The following NBAS variants were observed in gnomAD, a reference collection of about 807,000 sequenced individuals.
NBAS encodes NBAS subunit of NRZ tethering complex, also known as NAG/BC035112 fusion.
In NBAS, 219 loss-of-function variants were observed where a neutral mutation model predicts 302.5. The observed-to-expected ratio is 0.72, with a 90% CI of 0.65 to 0.81. The LOEUF is 0.81. Ranked by LOEUF, NBAS falls within the 30% of genes least tolerant of loss-of-function variation. The pLI, the probability that NBAS is intolerant of heterozygous loss-of-function variation, is 0.00. For missense variants in NBAS, 2,932 were observed against 2,841.6 expected (o/e 1.03, Z -0.72); for synonymous variants, 1,118 against 1,021.6 (o/e 1.09, Z -1.80).
the NBAS span, among the ~76,000 whole-genome samples, chr2:14,966,191 T>C: frequency 6.6e-6 from 1 of 152,162 alleles, no homozygotes; most frequent in Non-Finnish European, 1.5e-5. Flanking sequence ...ACTTGAAAAC[T>C]CCAGAACTAT....
At chr2:15,320,524 T>C (rs539993552) in intron 38 of NBAS, among the ~76,000 whole-genome samples, 1 of 152,292 alleles carries the variant, frequency 6.6e-6, no homozygotes, top group African/African-American at 2.4e-5. Context: ...AAAATCTCCT[T>C]AAGCTGATAA....
intron 51 of NBAS, among the ~76,000 whole-genome samples, chr2:15,173,512 A>G (rs577528435): frequency 4.6e-5 from 7 of 152,204 alleles, no homozygotes; most frequent in Non-Finnish European, 8.8e-5. Context: ...ATCAACCACA[A>G]GGGTAGAAAA....
chr2:14,955,341 A>G, the NBAS span, among the ~76,000 whole-genome samples: 8 of 152,184 alleles, frequency 5.3e-5, no homozygotes, highest in Non-Finnish European at 1.2e-4. Context: ...TTCATGAGCC[A>G]GAGTTGAGTG....
Position 15,480,822 on chromosome 2 carries a change from A to C in NBAS, c.1084-2533T>G, listed in dbSNP as rs147025786. Among the ~76,000 whole-genome samples the C allele has an allele frequency of 8.5e-4, 130 of 152,250 alleles. 1 individual carries two copies. The East Asian group carries it at 0.011, about 13-fold the overall frequency. Reference sequence around the variant, plus strand: ...ATGTTAATGATATCCTTTTTTATTGAGGTGATCTTAGCATAATGTAAAATT... The same window carrying C: ...ATGTTAATGATATCCTTTTTTATTGCGGTGATCTTAGCATAATGTAAAATT... On this transcript the variant is annotated intron_variant, in intron 12 of 51. Coordinates refer to ENST00000281513, the MANE Select transcript of NBAS (RefSeq NM_015909.4).
chr2:14,913,177 A>C, the NBAS span, among the ~76,000 whole-genome samples: 1 of 152,192 alleles, frequency 6.6e-6, no homozygotes, highest in Non-Finnish European at 1.5e-5. Context: ...AGGGGCTGCA[A>C]TCCGCATTGG....
chr2:14,962,943 G>GA, the NBAS span, among the ~76,000 whole-genome samples: 62 of 142,330 alleles, frequency 4.4e-4, no homozygotes, highest in South Asian at 4.4e-4. Context: ...AAACAAAGGA[G>GA]AAAAAAAAAA....
At chr2:14,909,103 C>T in the NBAS span, among the ~76,000 whole-genome samples, 3 of 151,972 alleles carry the variant, frequency 2.0e-5, no homozygotes, top group African/African-American at 7.2e-5. Flanking sequence ...GAGGCCGAGG[C>T]GGGCGGATCA....
the NBAS span, among the ~76,000 whole-genome samples, chr2:14,889,662 G>T: frequency 6.6e-6 from 1 of 152,210 alleles, no homozygotes; most frequent in South Asian, 2.1e-4. Context: ...TTCCAAGCTT[G>T]TTAGAAAAGG....
At chr2:14,993,819 T>C in the NBAS span, among the ~76,000 whole-genome samples, 1 of 152,182 alleles carries the variant, frequency 6.6e-6, no homozygotes, top group Admixed American at 6.5e-5. Context: ...TTATATTTAT[T>C]AAAAACATAT....
the NBAS span, among the ~76,000 whole-genome samples, chr2:14,812,706 G>A: frequency 6.6e-6 from 1 of 152,178 alleles, no homozygotes; most frequent in Non-Finnish European, 1.5e-5. Context: ...AGAAATAAAT[G>A]ACAAGTTATT....
the NBAS span, among the ~76,000 whole-genome samples, chr2:14,789,190 G>A: frequency 2.5e-4 from 38 of 152,282 alleles, no homozygotes; most frequent in Middle Eastern, 3.4e-3. Context: ...TAGGAAAAGC[G>A]CAGTACTGGG....
the NBAS span, among the ~76,000 whole-genome samples, chr2:14,940,375 G>A: frequency 3.3e-5 from 5 of 152,158 alleles, no homozygotes; most frequent in African/African-American, 1.2e-4. Context: ...CATGTGACAT[G>A]TCTGTTCCCC....
intron 21 of NBAS, among the ~76,000 whole-genome samples, chr2:15,430,147 A>G (rs907425590): frequency 6.6e-5 from 10 of 152,340 alleles, no homozygotes; most frequent in East Asian, 1.9e-4. Flanking sequence ...TTCAAAGTAT[A>G]TATTAGATGC....
Position 15,218,886 on chromosome 2 carries a change from TGCGGGGCCGCACCGG to T in NBAS, c.6304_6318del (p.Pro2102_Arg2106del). ...TGCCCCAAAATCTGCAGCACGTGAA[TGCGGGGCCGCACCGG>T]CCAGGCGTCATCAGCACAGAAAGGC... On this transcript the variant is annotated inframe_deletion, in exon 48 of 52. Transcript: ENST00000281513. The T allele has an allele frequency of 6.2e-7, 1 of 1,614,250 alleles. No individual in the cohort carries two copies. The highest frequency in any genetic ancestry group is 8.5e-7 in the Non-Finnish European group (1 of 1,180,048).
chr2:14,786,696 A>ATAAT, the NBAS span, among the ~76,000 whole-genome samples: 1 of 152,264 alleles, frequency 6.6e-6, no homozygotes, highest in African/African-American at 2.4e-5. Context: ...ACAGTTTGTT[A>ATAAT]TAATTTCTGA....
At chr2:14,950,861 A>G in the NBAS span, among the ~76,000 whole-genome samples, 1 of 152,228 alleles carries the variant, frequency 6.6e-6, no homozygotes, top group Non-Finnish European at 1.5e-5. Context: ...AGTGCCTTTC[A>G]GTTGTCATTA....
chr2:15,118,250 G>A, the NBAS span, among the ~76,000 whole-genome samples: 131 of 152,256 alleles, frequency 8.6e-4, 1 homozygote, highest in South Asian at 8.9e-3. Flanking sequence ...ATCAATCAGG[G>A]ATTTCAGGGG....
intron 40 of NBAS, among the ~76,000 whole-genome samples, chr2:15,303,221 G>A (rs773621839): frequency 3.9e-5 from 6 of 152,124 alleles, no homozygotes; most frequent in Non-Finnish European, 8.8e-5. Flanking sequence ...GGAAAACAGT[G>A]ATAGAAATAA....
intron 50 of NBAS, among the ~76,000 whole-genome samples, chr2:15,181,287 CTG>C (rs1664807123): frequency 6.6e-6 from 1 of 152,190 alleles, no homozygotes; most frequent in Admixed American, 6.5e-5. Context: ...ATGGAATAAC[CTG>C]TGTGTCCCTC....
Sources: gnomAD v4.1 joint callset for allele counts (sites outside exome capture counted in the v4.1 genomes callset) on GRCh38, gnomAD v4.1.1 for gene constraint, MANE v1.5 for transcripts, NCBI Gene and HGNC (gene_info 2026-07-23, HGNC 2026-07-21) for gene names.